PDE8A: variants seen among roughly 807,000 people sequenced by gnomAD.
The protein encoded by PDE8A is phosphodiesterase 8A.
PDE8A carries 59 observed loss-of-function variants against 105.0 expected under a neutral mutation model. The ratio of observed to expected loss-of-function variants is 0.56; its 90% confidence interval spans 0.46 to 0.70. PDE8A has a LOEUF of 0.70. Among genes scored for constraint, PDE8A ranks in the 30% least tolerant of loss-of-function variants. The probability of loss-of-function intolerance (pLI) is 0.00; values close to 1 mark genes in which losing one functional copy is unlikely to be tolerated. For synonymous variants in PDE8A, 355 were observed against 371.9 expected (o/e 0.95, Z 0.52); for missense variants, 1,014 against 1,045.9 (o/e 0.97, Z 0.42).
At chr15:85,098,368 T>C (rs190441152) in intron 9 of PDE8A, among the ~76,000 whole-genome samples, 4 of 152,352 alleles carry the variant, frequency 2.6e-5, no homozygotes, top group Non-Finnish European at 4.4e-5. Flanking sequence ...AAAGATTTTT[T>C]ATCTAATTTG....
chr15:85,013,115 C>T (rs1277158066), intron 1 of PDE8A, among the ~76,000 whole-genome samples: 1 of 152,152 alleles, frequency 6.6e-6, no homozygotes, highest in Admixed American at 6.5e-5. Context: ...CTAAATGACC[C>T]TGCATTTGTT....
At chr15:84,991,997 G>A (rs2079893093) in intron 1 of PDE8A, among the ~76,000 whole-genome samples, 1 of 152,112 alleles carries the variant, frequency 6.6e-6, no homozygotes, top group Non-Finnish European at 1.5e-5. Context: ...ACAAAAAAAA[G>A]ATTAATAGCT....
chr15:85,101,205 A>G (rs889911322), intron 11 of PDE8A, among the ~76,000 whole-genome samples: 1 of 152,218 alleles, frequency 6.6e-6, no homozygotes, highest in Non-Finnish European at 1.5e-5. Context: ...GACTGACACT[A>G]GGGCTCTGAA....
chr15:85,011,792 G>A (rs1458009089), intron 1 of PDE8A, among the ~76,000 whole-genome samples: 1 of 152,042 alleles, frequency 6.6e-6, no homozygotes, highest in African/African-American at 2.4e-5. Context: ...TTCGCAACCT[G>A]CTCATCTGAC....
In PDE8A at chr15:85,040,207, C is replaced by G. The variant is rs182902393; in HGVS notation, c.187-24163C>G. Among the ~76,000 whole-genome samples, 482 of 152,090 alleles carry G rather than the reference C, an allele frequency of 3.2e-3. 3 individuals carry two copies. Among genetic ancestry groups the G allele is most frequent in the African/African-American group, 0.011 (452 of 41,504 alleles). On this transcript the variant is annotated intron_variant, in intron 1 of 21. Coordinates refer to ENST00000394553, the MANE Select transcript of PDE8A (RefSeq NM_002605.3). ...CCTATAGTCCTAGCTACTTGGGAGG[C>G]TGAGGCAGGAGGATCACTTGAGCCC...
chr15:85,115,853 G>T, intron 15 of PDE8A, 131 bp from the exon 16 acceptor site: 1 of 757,814 alleles, frequency 1.3e-6, no homozygotes, highest in Non-Finnish European at 2.2e-6. Flanking sequence ...CCGGGAGGCG[G>T]AGGTTGCAGT....
intron 6 of PDE8A, among the ~76,000 whole-genome samples, chr15:85,085,561 G>C (rs926191112): frequency 1.2e-4 from 19 of 152,006 alleles, no homozygotes; most frequent in African/African-American, 4.6e-4. Context: ...AGCCGGGCAT[G>C]GTGGTGAGCA....
chr15:85,079,913 C>CAA (rs1161664522), intron 5 of PDE8A, among the ~76,000 whole-genome samples: 1 of 138,244 alleles, frequency 7.2e-6, no homozygotes, highest in South Asian at 2.3e-4. Flanking sequence ...GACTCCATCT[C>CAA]AAAAAAAAAA....
Position 85,067,037 on chromosome 15 carries a change from A to T in PDE8A, c.267A>T (p.Glu89Asp), listed in dbSNP as rs759123928. ...QLQVLLVFTK[E>D]DNQCNGFCRA... ...AGGTACTTTTAGTGTTTACCAAAGA[A>T]GATAACCAATGTAATGGATTCTGCA... is the stretch of plus-strand genomic sequence containing the variant. The change falls in exon 3 of 22, where the codon GAA becomes GAT. Residue 89 changes from glutamate to aspartate, a missense_variant. Glu to Asp is a conservative substitution (Grantham distance 45). Coordinates refer to ENST00000394553, the MANE Select transcript of PDE8A (RefSeq NM_002605.3). 2 of 1,607,726 alleles carry T rather than the reference A, an allele frequency of 1.2e-6. No homozygotes were observed. The highest frequency in any genetic ancestry group is 1.7e-6 in the Non-Finnish European group (2 of 1,177,460).
intron 1 of PDE8A, among the ~76,000 whole-genome samples, chr15:85,055,403 A>G (rs1326897037): frequency 6.6e-6 from 1 of 152,214 alleles, no homozygotes. Context: ...TAATGTTGAC[A>G]GTGGGATGTT....
chr15:85,028,799 C>T (rs1172271279), intron 1 of PDE8A, among the ~76,000 whole-genome samples: 1 of 150,320 alleles, frequency 6.7e-6, no homozygotes, highest in African/African-American at 2.4e-5. Context: ...TCTGCTCTGT[C>T]TTGTGGATTT....
At chr15:85,125,537 C>T (rs1596543792) in intron 19 of PDE8A, among the ~76,000 whole-genome samples, 1 of 152,162 alleles carries the variant, frequency 6.6e-6, no homozygotes, top group Non-Finnish European at 1.5e-5. Context: ...TATCCTGGCT[C>T]GGCTGGTTGC....
At chr15:85,106,946 T>A (rs7182533) in intron 11 of PDE8A, among the ~76,000 whole-genome samples, 1 of 151,944 alleles carries the variant, frequency 6.6e-6, no homozygotes, top group Non-Finnish European at 1.5e-5. Context: ...TCTATACACA[T>A]ATGCTTCTTC....
intron 1 of PDE8A, among the ~76,000 whole-genome samples, chr15:84,992,210 T>C (rs2079896956): frequency 6.6e-6 from 1 of 152,048 alleles, no homozygotes; most frequent in Non-Finnish European, 1.5e-5. Flanking sequence ...GACCTGGAAG[T>C]GATGATGGCA....
chr15:85,020,754 G>A (rs1428034808), intron 1 of PDE8A, among the ~76,000 whole-genome samples: 1 of 152,060 alleles, frequency 6.6e-6, no homozygotes, highest in Non-Finnish European at 1.5e-5. Context: ...TCTATTTATT[G>A]CCTGTATGTA....
chr15:85,022,632 T>A (rs2080447574), intron 1 of PDE8A, among the ~76,000 whole-genome samples: 2 of 151,272 alleles, frequency 1.3e-5, no homozygotes, highest in African/African-American at 2.4e-5. Flanking sequence ...CACTGCAACC[T>A]CTGCCTCCCG....
intron 6 of PDE8A, among the ~76,000 whole-genome samples, chr15:85,085,373 G>T (rs1311582672): frequency 1.3e-5 from 2 of 152,182 alleles, no homozygotes; most frequent in Non-Finnish European, 2.9e-5. Context: ...ACAAGCAGGG[G>T]TGTTACTGCT....
At chr15:85,057,975 A>G (rs2081088254) in intron 1 of PDE8A, among the ~76,000 whole-genome samples, 1 of 152,124 alleles carries the variant, frequency 6.6e-6, no homozygotes, top group African/African-American at 2.4e-5. Flanking sequence ...ATCAGTGTTT[A>G]TAAGGGATAT....
In PDE8A at chr15:85,081,589, C is replaced by T. The variant is rs771884717; in HGVS notation, c.547-1967C>T. ...GAAGGTTAAGGGAGAGGAGACTAAC[C>T]GCTGTTTAAGCAGAGGGAATAAGCT... On this transcript the variant is annotated intron_variant, in intron 5 of 21. Transcript: ENST00000394553. Among the ~76,000 whole-genome samples the T allele has an allele frequency of 1.3e-4, 20 of 152,246 alleles. 1 individual carries two copies. Among genetic ancestry groups the T allele is most frequent in the South Asian group, 1.0e-3 (5 of 4,824 alleles).
Sources: allele counts gnomAD v4.1 joint callset (sites outside exome capture counted in the v4.1 genomes callset), GRCh38; gene constraint gnomAD v4.1.1; transcripts MANE v1.5; gene names NCBI Gene and HGNC (gene_info 2026-07-23, HGNC 2026-07-21).